KDM4C: variants seen among roughly 807,000 people sequenced by gnomAD.
KDM4C encodes lysine-specific demethylase 4C.
In KDM4C, 81 loss-of-function variants were observed where a neutral mutation model predicts 129.3. That is an observed-to-expected ratio of 0.63 (90% CI 0.52 to 0.75). The LOEUF is 0.75. Ranked by LOEUF, KDM4C falls within the 30% of genes least tolerant of loss-of-function variation. The pLI, the probability that KDM4C is intolerant of heterozygous loss-of-function variation, is 0.00. For missense variants in KDM4C, 1,457 were observed against 1,304.0 expected (o/e 1.12, Z -1.81); for synonymous variants, 573 against 456.1 (o/e 1.26, Z -3.26).
At chr9:7,159,956 T>C (rs1305395443) in intron 19 of KDM4C, among the ~76,000 whole-genome samples, 1 of 152,218 alleles carries the variant, frequency 6.6e-6, no homozygotes, top group Admixed American at 6.5e-5. Context: ...TCCCCATCAC[T>C]TTCAGGTACA....
At chr9:6,946,030 C>A (rs910334808) in intron 8 of KDM4C, among the ~76,000 whole-genome samples, 4 of 151,956 alleles carry the variant, frequency 2.6e-5, no homozygotes, top group African/African-American at 4.8e-5. Context: ...TGCATGAATT[C>A]CTTGGTATGA....
intron 21 of KDM4C, among the ~76,000 whole-genome samples, chr9:7,171,477 C>T (rs7856052): frequency 4.6e-5 from 7 of 152,060 alleles, no homozygotes; most frequent in Non-Finnish European, 1.0e-4. Context: ...CTGCCTTATT[C>T]CCAGCTCCTC....
chr9:7,129,964 A>T (rs1840438999), intron 19 of KDM4C, among the ~76,000 whole-genome samples: 1 of 152,204 alleles, frequency 6.6e-6, no homozygotes, highest in East Asian at 1.9e-4. Context: ...ATTACATGTA[A>T]TCCGTCTCTA....
chr9:7,035,058 G>A (rs1020999842), intron 15 of KDM4C, among the ~76,000 whole-genome samples: 5 of 151,842 alleles, frequency 3.3e-5, no homozygotes, highest in Admixed American at 6.6e-5. Flanking sequence ...CATTGCCCAG[G>A]CTGGAGTTTA....
At chr9:6,738,349 G>GC (rs565676948) in intron 1 of KDM4C, among the ~76,000 whole-genome samples, 2 of 151,918 alleles carry the variant, frequency 1.3e-5, no homozygotes, top group Non-Finnish European at 2.9e-5. Flanking sequence ...GGTGGCACAT[G>GC]CTGTAATCCC....
chr9:7,115,219 T>G (rs1354936959), intron 18 of KDM4C, among the ~76,000 whole-genome samples: 4 of 152,226 alleles, frequency 2.6e-5, no homozygotes, highest in African/African-American at 9.6e-5. Flanking sequence ...TTTATTTATT[T>G]TTTTCGTAGA....
At chr9:6,824,318 A>G (rs1394015432) in intron 4 of KDM4C, among the ~76,000 whole-genome samples, 2 of 152,198 alleles carry the variant, frequency 1.3e-5, no homozygotes, top group African/African-American at 2.4e-5. Flanking sequence ...TGATGAGTGC[A>G]TGGCATTGGA....
intron 15 of KDM4C, among the ~76,000 whole-genome samples, chr9:7,043,115 A>G (rs984865727): frequency 2.0e-5 from 3 of 152,066 alleles, no homozygotes; most frequent in Non-Finnish European, 2.9e-5. Context: ...TATTAAGTGA[A>G]ATAATAAATT....
At chr9:6,776,921 G>C (rs147296903) in intron 1 of KDM4C, among the ~76,000 whole-genome samples, 4 of 152,128 alleles carry the variant, frequency 2.6e-5, no homozygotes, top group African/African-American at 9.7e-5. Flanking sequence ...CCTTTTAAAG[G>C]CTTCTCCTAC....
In KDM4C at chr9:6,952,008, A is replaced by T. The variant is rs561229287; in HGVS notation, c.922-28917A>T. On this transcript the variant is annotated intron_variant, in intron 8 of 21. Coordinates refer to ENST00000381309, the MANE Select transcript of KDM4C (RefSeq NM_015061.6). Reference sequence around the variant, plus strand: ...TTGACCCTGCTGTTACTTAGCTCATATTTAAAAAATATAATAACCAGAGTT... The same window carrying T: ...TTGACCCTGCTGTTACTTAGCTCATTTTTAAAAAATATAATAACCAGAGTT... 2.3e-3 allele frequency among the ~76,000 whole-genome samples: 345 copies of T among 152,238 alleles called. 2 individuals are homozygous for T. The highest frequency in any genetic ancestry group is 3.8e-3 in the Non-Finnish European group (261 of 67,992).
intron 5 of KDM4C, among the ~76,000 whole-genome samples, chr9:6,874,931 TA>T (rs34854547): frequency 0.049 from 6,562 of 132,892 alleles, 167 homozygotes; most frequent in African/African-American, 0.089. Flanking sequence ...TCTCTACAGT[TA>T]AAAAAAAAAA....
chr9:7,145,081 G>C (rs1842095270), intron 19 of KDM4C, among the ~76,000 whole-genome samples: 1 of 152,136 alleles, frequency 6.6e-6, no homozygotes, highest in South Asian at 2.1e-4. Context: ...AGAGAATAAG[G>C]TGGTGCTGCA....
intron 18 of KDM4C, among the ~76,000 whole-genome samples, chr9:7,113,082 T>C (rs1282338900): frequency 1.3e-5 from 2 of 152,306 alleles, no homozygotes; most frequent in East Asian, 1.9e-4. Context: ...AGTGTTATTA[T>C]TGACAAAGAG....
At chr9:6,944,004 C>A (rs1170218834) in intron 8 of KDM4C, among the ~76,000 whole-genome samples, 1 of 152,148 alleles carries the variant, frequency 6.6e-6, no homozygotes, top group Admixed American at 6.5e-5. Context: ...CATGTCGGGC[C>A]TATTTAAATG....
At chr9:6,909,327 G>A (rs1435665083) in intron 8 of KDM4C, among the ~76,000 whole-genome samples, 8 of 152,186 alleles carry the variant, frequency 5.3e-5, no homozygotes, top group Non-Finnish European at 1.2e-4. Flanking sequence ...GCAAAGTGCT[G>A]CACTTGCCCC....
At chr9:6,734,876 AAG>A (rs1817472348) in intron 1 of KDM4C, 2 of 552,258 alleles carry the variant, frequency 3.6e-6, no homozygotes, top group Non-Finnish European at 7.2e-6. Flanking sequence ...TTGCACCAAT[AAG>A]AGACTTCACA....
At chr9:7,106,146 C>A (rs1209138222) in intron 18 of KDM4C, among the ~76,000 whole-genome samples, 2 of 152,176 alleles carry the variant, frequency 1.3e-5, no homozygotes, top group East Asian at 1.9e-4. Flanking sequence ...GATTCCTCCC[C>A]AAAGTGTTTG....
intron 8 of KDM4C, among the ~76,000 whole-genome samples, chr9:6,926,767 A>C (rs759095304): frequency 6.6e-6 from 1 of 152,238 alleles, no homozygotes; most frequent in Non-Finnish European, 1.5e-5. Context: ...TTGTTAAAAG[A>C]AACTCTTGAT....
chr9:7,148,617 C>A lies in KDM4C; in HGVS notation c.2782-16621C>A, dbSNP rs543662921. On this transcript the variant is annotated intron_variant, in intron 19 of 21. Transcript: ENST00000381309. ...GCCAGGAACGTGTTACAACCCATTT[C>A]ACTCCCACCATTTGGCAGGTCCCAA... Among the ~76,000 whole-genome samples, 5 of 152,336 alleles carry A rather than the reference C, an allele frequency of 3.3e-5. No individual in the cohort carries two copies. In the East Asian group the frequency reaches 7.7e-4, roughly 24 times the overall value.
Sources: gnomAD v4.1 joint callset for allele counts (sites outside exome capture counted in the v4.1 genomes callset) on GRCh38, gnomAD v4.1.1 for gene constraint, MANE v1.5 for transcripts, NCBI Gene and HGNC (gene_info 2026-07-23, HGNC 2026-07-21) for gene names.